The following MAP3K21 variants were observed in gnomAD, a reference collection of about 807,000 sequenced individuals.
MAP3K21 encodes the protein mitogen-activated protein kinase kinase kinase MLK4.
Under a neutral mutation model 86.1 loss-of-function variants are expected in MAP3K21, and 63 were observed. That is an observed-to-expected ratio of 0.73 (90% confidence interval 0.60 to 0.90). MAP3K21 has a LOEUF of 0.90. MAP3K21 is among the 40% of genes least tolerant of loss of function. MAP3K21 has a pLI of 0.00. For missense variants in MAP3K21, 1,220 were observed against 1,367.7 expected (o/e 0.89, Z 1.70); for synonymous variants, 558 against 564.8 (o/e 0.99, Z 0.17).
chr1:233,350,960 C>T (rs1473179450), intron 2 of MAP3K21, among the ~76,000 whole-genome samples: 1 of 152,136 alleles, frequency 6.6e-6, no homozygotes, highest in African/African-American at 2.4e-5. Context: ...ATAAGCCCTC[C>T]TCTCTCTGGA....
chr1:233,328,214 C>T lies in MAP3K21; in HGVS notation c.186C>T (p.Gly62=). 1 of 1,488,622 alleles carries T rather than the reference C, an allele frequency of 6.7e-7. No homozygotes were observed. The highest frequency in any genetic ancestry group is 8.9e-7 in the Non-Finnish European group (1 of 1,127,616). 92.2% of individuals were successfully genotyped at this position (1,488,622 alleles called of 1,614,324 possible). Residue 62 remains glycine (G), a synonymous_variant, in exon 1 of 10, where the codon GGC becomes GGT. Transcript: ENST00000366624. This position sits in a 1 kb window ranked among gnomAD's most constrained non-coding sequence, Gnocchi z 8.7. ...RGEDELSLRR[G]QLVEVLSQDA... is the part of the protein sequence containing the mutation. Reference sequence around the variant, plus strand: ...AGGACGAGCTGAGCCTGCGGCGCGGCCAGCTGGTGGAGGTGCTGTCGCAGG... The same window carrying T: ...AGGACGAGCTGAGCCTGCGGCGCGGTCAGCTGGTGGAGGTGCTGTCGCAGG...
intron 1 of MAP3K21, among the ~76,000 whole-genome samples, chr1:233,329,322 A>G (rs533339361): frequency 3.9e-5 from 6 of 152,218 alleles, no homozygotes; most frequent in African/African-American, 1.4e-4. Flanking sequence ...ATATGACTTC[A>G]TGTCTCTTAC....
At chr1:233,332,586 AAG>A (rs1387287786) in intron 1 of MAP3K21, among the ~76,000 whole-genome samples, 1 of 152,128 alleles carries the variant, frequency 6.6e-6, no homozygotes, top group African/African-American at 2.4e-5. Flanking sequence ...GATGGCTTTC[AAG>A]GTTGTCTATA....
intron 6 of MAP3K21, 88 bp downstream of exon 6, chr1:233,372,248 A>G: frequency 2.0e-6 from 3 of 1,527,098 alleles, no homozygotes; most frequent in Middle Eastern, 1.9e-4. Context: ...ATGTGTTTTC[A>G]TAGCAGGTTG....
chr1:233,346,551 A>C lies in MAP3K21; in HGVS notation c.915A>C (p.Ala305=), dbSNP rs140060864. The C allele has an allele frequency of 2.2e-5, 35 of 1,613,914 alleles. No homozygotes were observed. The highest frequency in any genetic ancestry group is 2.6e-5 in the Non-Finnish European group (31 of 1,179,918). The change falls in exon 2 of 10, where the codon GCA becomes GCC. Residue 305 remains alanine, a synonymous_variant. Coordinates refer to ENST00000366624, the MANE Select transcript of MAP3K21 (RefSeq NM_032435.3). ...ACAGGACCACCAAAATGAGCACAGC[A>C]GGCACCTATGCCTGGATGGCCCCCG... ...EWHRTTKMST[A]GTYAWMAPEV...
intron 4 of MAP3K21, among the ~76,000 whole-genome samples, chr1:233,357,336 G>A (rs142989144): frequency 0.021 from 3,121 of 151,628 alleles, 107 homozygotes; most frequent in African/African-American, 0.071. Flanking sequence ...CACACCAACA[G>A]GGCGCATGTA....
chr1:233,375,264 T>G (rs921734770), intron 6 of MAP3K21, among the ~76,000 whole-genome samples: 1 of 152,092 alleles, frequency 6.6e-6, no homozygotes, highest in Non-Finnish European at 1.5e-5. Context: ...CAAGTGCACT[T>G]AAATTAGAGG....
chr1:233,336,717 G>C (rs536267082), intron 1 of MAP3K21, among the ~76,000 whole-genome samples: 3 of 152,068 alleles, frequency 2.0e-5, no homozygotes, highest in Non-Finnish European at 4.4e-5. Context: ...ACTTTATGAG[G>C]AAACAATAAT....
At chr1:233,352,504 C>T (rs1486533389) in intron 2 of MAP3K21, among the ~76,000 whole-genome samples, 2 of 151,798 alleles carry the variant, frequency 1.3e-5, no homozygotes, top group Non-Finnish European at 2.9e-5. Flanking sequence ...GATCTCGGCT[C>T]AGTGCAACCT....
At chr1:233,332,194 A>C (rs1485309510) in intron 1 of MAP3K21, among the ~76,000 whole-genome samples, 2 of 152,172 alleles carry the variant, frequency 1.3e-5, no homozygotes, top group Non-Finnish European at 2.9e-5. Context: ...ATGACAACAA[A>C]TCTGCCATCA....
chr1:233,376,199 G>A (rs1367339053), intron 7 of MAP3K21, 133 bp downstream of exon 7: 2 of 811,572 alleles, frequency 2.5e-6, no homozygotes, highest in African/African-American at 3.6e-5. Flanking sequence ...CAATTTTCTA[G>A]GATGAATTTA....
At chr1:233,362,853 A>G (rs1246473498) in intron 5 of MAP3K21, among the ~76,000 whole-genome samples, 1 of 152,274 alleles carries the variant, frequency 6.6e-6, no homozygotes, top group East Asian at 1.9e-4. Context: ...ACATTGTGAT[A>G]ACAACATACA....
Position 233,353,900 on chromosome 1 carries a change from A to T in MAP3K21, c.1080A>T (p.Lys360Asn). ...LAVAYGVAVN[K>N]LTLPIPSTCP... ...TGGCTTATGGGGTAGCAGTCAATAA[A>T]CTCACTTTGCCCATTCCATCCACCT... Residue 360 changes from lysine to asparagine, a missense_variant, in exon 3 of 10, where the codon AAA becomes AAT. Transcript: ENST00000366624. 1.2e-6 allele frequency: 2 copies of T among 1,612,406 alleles called. No homozygotes were observed. The highest frequency in any genetic ancestry group is 1.7e-6 in the Non-Finnish European group (2 of 1,179,430).
chr1:233,333,926 G>A (rs1199999239), intron 1 of MAP3K21, among the ~76,000 whole-genome samples: 1 of 152,130 alleles, frequency 6.6e-6, no homozygotes, highest in African/African-American at 2.4e-5. Flanking sequence ...GCAGTGGCAC[G>A]ATCTTGGCTC....
chr1:233,341,470 T>G (rs886228154), intron 1 of MAP3K21, among the ~76,000 whole-genome samples: 1 of 151,894 alleles, frequency 6.6e-6, no homozygotes, highest in African/African-American at 2.4e-5. Flanking sequence ...ACATTTGGAG[T>G]GTGATTTGAA....
At chr1:233,357,839 A>G (rs1263454663) in intron 4 of MAP3K21, among the ~76,000 whole-genome samples, 1 of 152,222 alleles carries the variant, frequency 6.6e-6, no homozygotes, top group African/African-American at 2.4e-5. Flanking sequence ...TGAATGCTGC[A>G]GGGATGGCAA....
chr1:233,358,477 T>TTTTTTG (rs1553338887), intron 4 of MAP3K21, among the ~76,000 whole-genome samples: 1 of 135,248 alleles, frequency 7.4e-6, no homozygotes. Context: ...TAATTTGTTT[T>TTTTTTG]TTTTTTTTTT....
At chr1:233,339,431 TCTC>T (rs1314013444) in intron 1 of MAP3K21, among the ~76,000 whole-genome samples, 3 of 49,182 alleles carry the variant, frequency 6.1e-5, no homozygotes, top group Admixed American at 3.5e-4. Context: ...TCCTCCTCCT[TCTC>T]CTCCTCCTTC....
chr1:233,379,389 CTGTCAAG>C lies in MAP3K21; in HGVS notation c.2386_2392del (p.Ser796ProfsTer153), dbSNP rs747320283. On this transcript the variant is annotated frameshift_variant, in exon 9 of 10. Coordinates refer to ENST00000366624, the MANE Select transcript of MAP3K21 (RefSeq NM_032435.3). LOFTEE classifies it high-confidence loss of function. The stretch of plus-strand genomic sequence containing the variant: ...GGCCAGCAGCCCACCCTCCCTGCCA[CTGTCAAG>C]TGCCCTGGGCATCCTCTCCACACCT... 1.2e-6 allele frequency: 2 copies of C among 1,614,270 alleles called. No homozygotes were observed. The highest frequency in any genetic ancestry group is 1.7e-6 in the Non-Finnish European group (2 of 1,180,052).
Sources: allele counts gnomAD v4.1 joint callset (sites outside exome capture counted in the v4.1 genomes callset), GRCh38; gene constraint gnomAD v4.1.1; non-coding constraint Gnocchi (gnomAD v3.1); transcripts MANE v1.5; gene names NCBI Gene and HGNC (gene_info 2026-07-23, HGNC 2026-07-21).